The following PARP10 variants were observed in gnomAD, a reference collection of about 807,000 sequenced individuals.
The protein encoded by PARP10 is poly(ADP-ribose) polymerase family member 10, also known as protein mono-ADP-ribosyltransferase PARP10.
In PARP10, 56 loss-of-function variants were observed where a neutral mutation model predicts 82.4. The observed-to-expected ratio is 0.68, with a 90% CI of 0.55 to 0.85. The LOEUF is 0.85. Ranked by LOEUF, PARP10 falls within the 40% of genes least tolerant of loss-of-function variation. The pLI is 0.00. For missense variants in PARP10, 1,227 were observed against 1,379.4 expected (o/e 0.89, Z 1.75); for synonymous variants, 576 against 601.1 (o/e 0.96, Z 0.61).
chr8:144,007,793 G>A (rs1834244867), intron 1 of PARP10, among the ~76,000 whole-genome samples: 1 of 152,180 alleles, frequency 6.6e-6, no homozygotes, highest in Non-Finnish European at 1.5e-5. Flanking sequence ...GACCTTGACA[G>A]CTGGGAAAAT....
chr8:144,002,081 A>C (rs1834207054), intron 1 of PARP10, among the ~76,000 whole-genome samples: 1 of 152,186 alleles, frequency 6.6e-6, no homozygotes, highest in South Asian at 2.1e-4. Flanking sequence ...CAAGATTCAC[A>C]AAATGCTGAT....
chr8:143,987,717 C>T (rs1834015484), upstream of PARP10, among the ~76,000 whole-genome samples: 1 of 152,128 alleles, frequency 6.6e-6, no homozygotes, highest in South Asian at 2.1e-4. Context: ...ATGGTAAAAC[C>T]CTGTCTCTAC....
chr8:143,979,041 C>G (rs908353624), intron 9 of PARP10, among the ~76,000 whole-genome samples: 3 of 151,018 alleles, frequency 2.0e-5, no homozygotes, highest in Admixed American at 2.0e-4. Context: ...GGCACGATCT[C>G]GGCTCACTGC....
Position 144,008,063 on chromosome 8 carries a change from C to T in PARP10, c.-80+4467G>A, listed in dbSNP as rs2133083063. ...AATGCCAACTGAATCTGTGGGAGCA[C>T]AGACTAGACAACTACCTCCCGGCAG... On this transcript the variant is annotated intron_variant, in intron 1 of 3. Transcript: ENST00000530478. The surrounding 1 kb of genome is among the most constrained non-coding windows in gnomAD (Gnocchi z 4.0). Among the ~76,000 whole-genome samples, 1 of 152,318 alleles carries T rather than the reference C, an allele frequency of 6.6e-6. No individual in the cohort carries two copies. Among genetic ancestry groups the T allele is most frequent in the African/African-American group, 2.4e-5 (1 of 41,568 alleles).
chr8:143,980,651 CAA>C (rs1166058983), intron 9 of PARP10, among the ~76,000 whole-genome samples: 3 of 151,956 alleles, frequency 2.0e-5, no homozygotes, highest in Non-Finnish European at 4.4e-5. Context: ...TCCCACTAAA[CAA>C]AAGAGTCTGT....
rs782614597 is a variant in PARP10, at chr8:143,986,394, C to T, written c.-35G>A. ...CCGCTAGGCAGCCTCAGGCCATGAG[C>T]TCAGCCAGGACTCCTGTGCCTGCCC... On this transcript the variant is annotated 5_prime_UTR_variant, in exon 1 of 11. Coordinates refer to ENST00000313028, the MANE Select transcript of PARP10 (RefSeq NM_032789.5). 1.2e-6 allele frequency: 2 copies of T among 1,614,154 alleles called. No homozygotes were observed. Among genetic ancestry groups the T allele is most frequent in the South Asian group, 1.1e-5 (1 of 91,092 alleles).
intron 1 of PARP10, among the ~76,000 whole-genome samples, chr8:144,001,315 C>T (rs770914441): frequency 1.3e-5 from 2 of 152,054 alleles, no homozygotes; most frequent in South Asian, 2.1e-4. Context: ...AATCCAGCGA[C>T]GCTCCTACCT....
At chr8:143,992,736 G>A (rs781965087), upstream of PARP10, 7 of 1,614,028 alleles carry the variant, frequency 4.3e-6, no homozygotes, top group South Asian at 7.7e-5. Flanking sequence ...ACAAGCAGCT[G>A]TCCCTGAGCC....
At chr8:144,005,725 C>T (rs1239655768) in intron 1 of PARP10, among the ~76,000 whole-genome samples, 1 of 152,080 alleles carries the variant, frequency 6.6e-6, no homozygotes, top group Non-Finnish European at 1.5e-5. Context: ...CACCCCAGGG[C>T]GTCTGCACTG....
chr8:143,977,877 GC>G, intron 10 of PARP10, 29 bp downstream of exon 10: 2 of 1,597,938 alleles, frequency 1.3e-6, no homozygotes, highest in Non-Finnish European at 8.5e-7. Context: ...GGTGCGCAGA[GC>G]CCCCGCCCCT....
chr8:143,979,831 G>A (rs1289943888), intron 9 of PARP10, among the ~76,000 whole-genome samples: 3 of 149,346 alleles, frequency 2.0e-5, no homozygotes, highest in Non-Finnish European at 3.0e-5. Flanking sequence ...CGAGACCATG[G>A]TGAAACCCCG....
rs782198720 is a variant in PARP10 at position 143,983,030 on chromosome 8, GGTT to G, written c.2455_2457del (p.Asn819del). On this transcript the variant is annotated inframe_deletion, in exon 9 of 11. Coordinates refer to ENST00000313028, the MANE Select transcript of PARP10 (RefSeq NM_032789.5). ...CCGGTGTTCTCTGCCAGACGCTCCAGGTTGTTCCAGGGCCCCTTCAGCGTCTGC... is the reference window on the plus strand; with the variant it reads ...CCGGTGTTCTCTGCCAGACGCTCCAGGTTCCAGGGCCCCTTCAGCGTCTGC... 24 of 1,613,960 alleles carry G rather than the reference GGTT, an allele frequency of 1.5e-5. No individual in the cohort carries two copies. The highest frequency in any genetic ancestry group is 1.9e-5 in the Non-Finnish European group (22 of 1,180,022).
At chr8:143,986,489 G>T, upstream of PARP10, 1 of 1,478,878 alleles carries the variant, frequency 6.8e-7, no homozygotes, top group Non-Finnish European at 9.4e-7. Context: ...GAGGGAGGGA[G>T]CAGCTGGGCC....
chr8:143,996,842 G>A (rs1213083945), intron 1 of PARP10, among the ~76,000 whole-genome samples: 2 of 152,170 alleles, frequency 1.3e-5, no homozygotes, highest in Non-Finnish European at 2.9e-5. Context: ...GAGGCCAGTC[G>A]AGGCCATAAG....
chr8:143,983,639 C>T lies in PARP10; in HGVS notation c.1950G>A (p.Leu650=), dbSNP rs782316885. 6.2e-7 allele frequency: 1 copy of T among 1,606,758 alleles called. No homozygotes were observed. Among genetic ancestry groups the T allele is most frequent in the Non-Finnish European group, 8.5e-7 (1 of 1,176,654 alleles). The part of the protein sequence containing the change: ...VAPSTVAPRW[L]EEEAALQLAL... Reference sequence around the variant, plus strand: ...CCAGCTGCAGAGCGGCCTCCTCCTCCAGCCACCTGGGTGCCACAGTGCTGG... The same window carrying T: ...CCAGCTGCAGAGCGGCCTCCTCCTCTAGCCACCTGGGTGCCACAGTGCTGG... The change falls in exon 8 of 11, where the codon CTG becomes CTA. Residue 650 remains leucine (L), a synonymous_variant. Coordinates refer to ENST00000313028, the MANE Select transcript of PARP10 (RefSeq NM_032789.5).
intron 1 of PARP10, among the ~76,000 whole-genome samples, chr8:143,996,343 A>G (rs1013721043): frequency 5.9e-5 from 9 of 152,236 alleles, no homozygotes; most frequent in Admixed American, 3.3e-4. Flanking sequence ...TATGGAACAA[A>G]ATGTCCAAGT....
At chr8:143,992,716 C>G (rs1554750793), upstream of PARP10, 1 of 1,613,710 alleles carries the variant, frequency 6.2e-7, no homozygotes, top group Non-Finnish European at 8.5e-7. Flanking sequence ...CACCCAGCTG[C>G]TACTGGGGAA....
chr8:143,993,049 C>T, upstream of PARP10: 1 of 564,238 alleles, frequency 1.8e-6, no homozygotes, highest in Admixed American at 3.3e-5. Flanking sequence ...TTTAGTCCTC[C>T]CGCCCCCGCC....
In PARP10 at chr8:143,977,339, C is replaced by A; in HGVS notation, c.*145G>T. On this transcript the variant is annotated 3_prime_UTR_variant, in exon 11 of 11. Coordinates refer to ENST00000313028, the MANE Select transcript of PARP10 (RefSeq NM_032789.5). Reference sequence around the variant, plus strand: ...CCCCTCGGCCGCTGCTGACCGCCATCCCCCACACCGCCTTCTGGAGCCCGC... The same window carrying A: ...CCCCTCGGCCGCTGCTGACCGCCATACCCCACACCGCCTTCTGGAGCCCGC... 1.1e-6 allele frequency: 1 copy of A among 870,972 alleles called. No homozygotes were observed. Among genetic ancestry groups the A allele is most frequent in the Non-Finnish European group, 1.7e-6 (1 of 586,480 alleles). The allele number at this position is 870,972 out of a possible 1,614,324, so 54.0% of individuals were successfully genotyped here.
Sources: allele counts gnomAD v4.1 joint callset (sites outside exome capture counted in the v4.1 genomes callset), GRCh38; gene constraint gnomAD v4.1.1; non-coding constraint Gnocchi (gnomAD v3.1); transcripts MANE v1.5; gene names NCBI Gene and HGNC (gene_info 2026-07-23, HGNC 2026-07-21).